SPAG16: variants seen among roughly 807,000 people sequenced by gnomAD.
SPAG16 encodes the protein sperm associated antigen 16.
Under a neutral mutation model 80.4 loss-of-function variants are expected in SPAG16, and 86 were observed. That is an observed-to-expected ratio of 1.07 (90% confidence interval 0.90 to 1.28). The LOEUF (loss-of-function observed/expected upper bound fraction) is 1.28. Ranked by LOEUF, SPAG16 falls within the 50% of genes most tolerant of loss-of-function variation. SPAG16 has a pLI of 0.00. For synonymous variants in SPAG16, 294 were observed against 265.9 expected, an observed-to-expected ratio of 1.11 and a Z score of -1.03; for missense variants, 870 against 765.3, an observed-to-expected ratio of 1.14 and a Z score of -1.61.
intron 15 of SPAG16, among the ~76,000 whole-genome samples, chr2:214,340,616 C>T (rs1163404015): frequency 2.6e-5 from 4 of 152,166 alleles, no homozygotes; most frequent in Non-Finnish European, 5.9e-5. Context: ...ATGTATGTTG[C>T]TTGGTTCTTC....
At chr2:214,177,797 T>C (rs1162683005) in intron 15 of SPAG16, among the ~76,000 whole-genome samples, 4 of 148,132 alleles carry the variant, frequency 2.7e-5, no homozygotes, top group Non-Finnish European at 6.0e-5. Flanking sequence ...TAATAATTAA[T>C]AAAAACCATA....
intron 15 of SPAG16, among the ~76,000 whole-genome samples, chr2:214,391,799 A>C (rs1701096031): frequency 6.6e-6 from 1 of 152,204 alleles, no homozygotes; most frequent in African/African-American, 2.4e-5. Context: ...TGGATCTGAC[A>C]CATTGTATAA....
At chr2:213,338,328 C>A (rs1489865281) in intron 5 of SPAG16, among the ~76,000 whole-genome samples, 1 of 152,142 alleles carries the variant, frequency 6.6e-6, no homozygotes. Context: ...AAATAACCAG[C>A]TAGCATCATA....
intron 15 of SPAG16, among the ~76,000 whole-genome samples, chr2:214,374,762 A>T (rs890526295): frequency 1.3e-5 from 2 of 152,216 alleles, no homozygotes; most frequent in African/African-American, 4.8e-5. Context: ...ACAAAGTTGC[A>T]TCAAAGTAGA....
chr2:213,519,766 CAA>C (rs139207701), intron 10 of SPAG16, among the ~76,000 whole-genome samples: 245 of 147,228 alleles, frequency 1.7e-3, no homozygotes, highest in African/African-American at 5.8e-3. Flanking sequence ...AGCAATCATA[CAA>C]AAAAAAAATG....
In SPAG16 at chr2:213,667,134, TA is replaced by T. The variant is rs751660165; in HGVS notation, c.1070+177048del. Among the ~76,000 whole-genome samples, 8 of 152,334 alleles carry T rather than the reference TA, an allele frequency of 5.3e-5. No individual in the cohort carries two copies. The East Asian group carries it at 1.5e-3, about 29-fold the overall frequency. On this transcript the variant is annotated intron_variant, in intron 10 of 15. Transcript: ENST00000331683. Reference sequence around the variant, plus strand: ...TAGATTTCTTATAGAAAAAGTGTTTTAAAAGAATAAAACATAGACATGAATC... The same window carrying T: ...TAGATTTCTTATAGAAAAAGTGTTTTAAAGAATAAAACATAGACATGAATC...
intron 15 of SPAG16, among the ~76,000 whole-genome samples, chr2:214,335,331 C>T (rs547491027): frequency 7.3e-4 from 111 of 152,202 alleles, no homozygotes; most frequent in Non-Finnish European, 1.3e-3. Context: ...ATCTCTGTGA[C>T]GCCCCGCAGC....
At chr2:214,059,206 A>ATGTATGTGTG (rs1160801165) in intron 13 of SPAG16, among the ~76,000 whole-genome samples, 6 of 96,346 alleles carry the variant, frequency 6.2e-5, no homozygotes, top group African/African-American at 2.2e-4. Flanking sequence ...ATATATATAT[A>ATGTATGTGTG]TATATATATG....
At chr2:213,721,221 C>G (rs1225179550) in intron 10 of SPAG16, among the ~76,000 whole-genome samples, 2 of 152,104 alleles carry the variant, frequency 1.3e-5, no homozygotes, top group African/African-American at 2.4e-5. Context: ...GCCTCAGCCT[C>G]CCGAGTAGCT....
At chr2:213,459,164 A>T (rs926108557) in intron 9 of SPAG16, among the ~76,000 whole-genome samples, 6 of 152,118 alleles carry the variant, frequency 3.9e-5, no homozygotes, top group African/African-American at 1.4e-4. Flanking sequence ...TCCAGTTCAC[A>T]AATTAAAGGT....
intron 11 of SPAG16, among the ~76,000 whole-genome samples, chr2:213,911,900 TA>T (rs1165974484): frequency 5.3e-5 from 8 of 150,680 alleles, no homozygotes; most frequent in Non-Finnish European, 1.2e-4. Flanking sequence ...TAAAAATGAT[TA>T]AAAGAGGTAT....
intron 15 of SPAG16, among the ~76,000 whole-genome samples, chr2:214,179,461 C>A (rs1038168795): frequency 6.6e-6 from 1 of 151,438 alleles, no homozygotes; most frequent in Admixed American, 6.6e-5. Flanking sequence ...TTTGCAGCCA[C>A]CTCTTTTCTC....
chr2:213,907,159 A>C (rs2077465091), intron 11 of SPAG16, among the ~76,000 whole-genome samples: 1 of 152,168 alleles, frequency 6.6e-6, no homozygotes, highest in Non-Finnish European at 1.5e-5. Context: ...CAAAGGACTC[A>C]ACAGCAAAAA....
intron 15 of SPAG16, among the ~76,000 whole-genome samples, chr2:214,254,444 T>C (rs1690532639): frequency 6.6e-6 from 1 of 152,156 alleles, no homozygotes; most frequent in South Asian, 2.1e-4. Flanking sequence ...GCTCTTACTA[T>C]TTTGAGATAC....
intron 10 of SPAG16, among the ~76,000 whole-genome samples, chr2:213,611,781 T>C (rs2061446379): frequency 6.6e-6 from 1 of 152,184 alleles, no homozygotes; most frequent in Non-Finnish European, 1.5e-5. Context: ...ACACTAGGTT[T>C]CATTTTGGAG....
At chr2:213,959,877 T>C (rs536370113) in intron 12 of SPAG16, among the ~76,000 whole-genome samples, 142 of 152,350 alleles carry the variant, frequency 9.3e-4, no homozygotes, top group African/African-American at 3.4e-3. Flanking sequence ...TTTTGGTTTA[T>C]GAGTGCTCTC....
intron 12 of SPAG16, among the ~76,000 whole-genome samples, chr2:213,946,370 C>T (rs2079471029): frequency 3.4e-4 from 51 of 152,154 alleles, no homozygotes; most frequent in African/African-American, 9.4e-4. Context: ...GCCTCGGCCT[C>T]CCAGAGTGCT....
rs977864335 is a variant in SPAG16, at chr2:213,394,464, G to GGTAAC, written c.942+19345_942+19346insGTAAC. Among the ~76,000 whole-genome samples, 35 of 152,130 alleles carry GGTAAC rather than the reference G, an allele frequency of 2.3e-4. No individual in the cohort carries two copies. The East Asian group carries it at 6.4e-3, about 28-fold the overall frequency. ...AGTCTTTACCCAGTTTCCCCTAACGGTTACATCTTGGAAAACTATAATATA... is the reference window on the plus strand; with the variant it reads ...AGTCTTTACCCAGTTTCCCCTAACGGGTAACTTACATCTTGGAAAACTATAATATA... On this transcript the variant is annotated intron_variant, in intron 9 of 15. Transcript: ENST00000331683.
At position 214,175,470 on chromosome 2, in the gene SPAG16, A is replaced by T. The variant is rs555860033; in HGVS notation, c.1720+26204A>T. Among the ~76,000 whole-genome samples, 12 of 151,224 alleles carry T rather than the reference A, an allele frequency of 7.9e-5. No individual in the cohort carries two copies. The South Asian group carries it at 2.5e-3, about 31-fold the overall frequency. On this transcript the variant is annotated intron_variant, in intron 15 of 15. Coordinates refer to ENST00000331683, the MANE Select transcript of SPAG16 (RefSeq NM_024532.5). The stretch of plus-strand genomic sequence containing the variant: ...TCTAGCCACTTTCTGTCCAGGTGTT[A>T]TTCCATTCAAGATTTGAATTAAAGA...
Sources: gnomAD v4.1 joint callset for allele counts (sites outside exome capture counted in the v4.1 genomes callset) on GRCh38, gnomAD v4.1.1 for gene constraint, MANE v1.5 for transcripts, NCBI Gene and HGNC (gene_info 2026-07-23, HGNC 2026-07-21) for gene names.